The following AK5 variants were observed in gnomAD, a reference collection of about 807,000 sequenced individuals.
The protein encoded by AK5 is adenylate kinase isoenzyme 5.
AK5 carries 27 observed loss-of-function variants against 69.5 expected under a neutral mutation model. That is an observed-to-expected ratio of 0.39 (90% confidence interval 0.29 to 0.54). AK5 has a LOEUF of 0.54. AK5 is among the 20% of genes least tolerant of loss of function. AK5 has a pLI of 0.71. For missense variants in AK5, 531 were observed against 700.4 expected (o/e 0.76, Z 2.73); for synonymous variants, 260 against 244.4 (o/e 1.06, Z -0.60).
chr1:77,499,400 T>A (rs1420569833), intron 10 of AK5, among the ~76,000 whole-genome samples: 1 of 152,188 alleles, frequency 6.6e-6, no homozygotes, highest in African/African-American at 2.4e-5. Flanking sequence ...AAGATGTTCC[T>A]CCTGGTTCTG....
chr1:77,506,876 G>A (rs1657061503), intron 10 of AK5, among the ~76,000 whole-genome samples: 1 of 152,128 alleles, frequency 6.6e-6, no homozygotes, highest in Non-Finnish European at 1.5e-5. Context: ...GCACAAGCCT[G>A]TAATCCCAGC....
chr1:77,315,489 C>T (rs1454590733), intron 5 of AK5, among the ~76,000 whole-genome samples: 1 of 151,934 alleles, frequency 6.6e-6, no homozygotes, highest in Non-Finnish European at 1.5e-5. Flanking sequence ...ACATTTTAAG[C>T]ACAATGTGAT....
chr1:77,468,632 A>G (rs904496817), intron 8 of AK5, among the ~76,000 whole-genome samples: 5 of 152,272 alleles, frequency 3.3e-5, no homozygotes, highest in African/African-American at 1.2e-4. Context: ...TCTATACCAC[A>G]TTATATATGA....
chr1:77,295,655 G>A (rs17100231), intron 3 of AK5, among the ~76,000 whole-genome samples: 5 of 137,236 alleles, frequency 3.6e-5, no homozygotes, highest in Middle Eastern at 3.8e-3. Context: ...AGATTTGTAC[G>A]TGGACAGAAC....
At chr1:77,499,870 A>ATTTTTTT (rs1178365313) in intron 10 of AK5, among the ~76,000 whole-genome samples, 3 of 50,488 alleles carry the variant, frequency 5.9e-5, no homozygotes, top group African/African-American at 3.3e-4. Context: ...CCCTTTTTCC[A>ATTTTTTT]TTTTTTTTTT....
chr1:77,438,769 A>T (rs867977891), intron 8 of AK5, among the ~76,000 whole-genome samples: 2 of 152,196 alleles, frequency 1.3e-5, no homozygotes, highest in Admixed American at 1.3e-4. Context: ...ACCAGAAGAG[A>T]CATGCATCAC....
chr1:77,329,757 C>CAA, intron 5 of AK5, among the ~76,000 whole-genome samples: 2 of 152,258 alleles, frequency 1.3e-5, no homozygotes, highest in South Asian at 4.1e-4. Context: ...AGCCTGGGAC[C>CAA]AAAGCTGACC....
chr1:77,497,184 A>T (rs1449016095), intron 10 of AK5, among the ~76,000 whole-genome samples: 1 of 152,186 alleles, frequency 6.6e-6, no homozygotes, highest in Non-Finnish European at 1.5e-5. Context: ...ACAACTCCGG[A>T]CGTGCCACCC....
In AK5 at chr1:77,558,883, C is replaced by A; in HGVS notation, c.*213C>A. 1.9e-6 allele frequency: 1 copy of A among 525,016 alleles called. No homozygotes were observed. The highest frequency in any genetic ancestry group is 2.3e-5 in the South Asian group (1 of 43,076). The allele number at this position is 525,016 out of a possible 1,614,324, so 32.5% of individuals were successfully genotyped here. A position where few individuals can be genotyped will look rare whatever the true frequency, so the allele number is the denominator to read the frequency against. ...ATTTGGGACTATATCAACCTATTCT[C>A]CACACTTCAGACAACTGTCTGCACT... On this transcript the variant is annotated 3_prime_UTR_variant, in exon 14 of 14. Transcript: ENST00000354567.
chr1:77,558,478 G>GGT (rs370004356), intron 13 of AK5, 124 bp from the exon 14 acceptor site: 19 of 467,228 alleles, frequency 4.1e-5, no homozygotes, highest in East Asian at 2.4e-4. Flanking sequence ...TCTGTGTTTT[G>GGT]GGGGGGGTCT....
chr1:77,503,299 G>C (rs189083755), intron 10 of AK5, among the ~76,000 whole-genome samples: 1 of 152,306 alleles, frequency 6.6e-6, no homozygotes, highest in East Asian at 1.9e-4. Flanking sequence ...GTACATTTTT[G>C]CCTAGTTTAG....
In AK5 at chr1:77,424,135, G is replaced by A. The variant is rs80268497; in HGVS notation, c.1059+6420G>A. The stretch of plus-strand genomic sequence containing the variant: ...TATTTACTGTGGTTCCTTTTATTCA[G>A]TATATCAGGTCCATCTGTCAAGGAA... On this transcript the variant is annotated intron_variant, in intron 8 of 13. Transcript: ENST00000354567. 7.0e-4 allele frequency among the ~76,000 whole-genome samples: 106 copies of A among 152,250 alleles called. 1 individual carries two copies. In the East Asian group the frequency reaches 0.019, roughly 27 times the overall value.
chr1:77,534,508 T>C (rs1658848746), intron 12 of AK5, among the ~76,000 whole-genome samples: 1 of 152,192 alleles, frequency 6.6e-6, no homozygotes, highest in African/African-American at 2.4e-5. Context: ...CGTTAGTGAG[T>C]GTCTGCTGTA....
chr1:77,529,358 G>A (rs1440585066), intron 12 of AK5, among the ~76,000 whole-genome samples: 1 of 145,564 alleles, frequency 6.9e-6, no homozygotes. Context: ...TTTTGAGACG[G>A]AGTCTTGCTC....
At chr1:77,284,079 A>G (rs1280163590) in intron 1 of AK5, among the ~76,000 whole-genome samples, 1 of 152,212 alleles carries the variant, frequency 6.6e-6, no homozygotes, top group Non-Finnish European at 1.5e-5. Flanking sequence ...TATGAATGGG[A>G]TAAATAATGC....
Position 77,297,609 on chromosome 1 carries a change from T to C in AK5, c.466T>C (p.Tyr156His). The change falls in exon 4 of 14, where the codon TAT becomes CAT. Residue 156 changes from tyrosine (Y) to histidine (H), a missense_variant. Transcript: ENST00000354567. Reference sequence around the variant, plus strand: ...TCAGAGTTTGAAAATTGCAGAACGATATGGATTCCAATACATTTCTGTGGG... The same window carrying C: ...TCAGAGTTTGAAAATTGCAGAACGACATGGATTCCAATACATTTCTGTGGG... ...GTQSLKIAER[Y>H]GFQYISVGEL... 1 of 1,613,554 alleles carries C rather than the reference T, an allele frequency of 6.2e-7. No individual in the cohort carries two copies. The highest frequency in any genetic ancestry group is 8.5e-7 in the Non-Finnish European group (1 of 1,179,846).
intron 6 of AK5, among the ~76,000 whole-genome samples, chr1:77,376,990 C>T (rs188122046): frequency 2.4e-4 from 36 of 152,268 alleles, no homozygotes; most frequent in African/African-American, 6.7e-4. Flanking sequence ...AACACTGGTC[C>T]GTACTAAAGC....
chr1:77,367,690 T>TAC (rs1377842909), intron 6 of AK5, among the ~76,000 whole-genome samples: 1 of 75,522 alleles, frequency 1.3e-5, no homozygotes, highest in Non-Finnish European at 2.4e-5. Flanking sequence ...ATGTTATATA[T>TAC]ACGTTATATG....
At chr1:77,461,033 A>AC (rs1653801648) in intron 8 of AK5, among the ~76,000 whole-genome samples, 1 of 135,236 alleles carries the variant, frequency 7.4e-6, no homozygotes, top group African/African-American at 2.8e-5. Flanking sequence ...TGTATGTGAA[A>AC]TTTTTTTTTT....
Sources: gnomAD v4.1 joint callset for allele counts (sites outside exome capture counted in the v4.1 genomes callset) on GRCh38, gnomAD v4.1.1 for gene constraint, MANE v1.5 for transcripts, NCBI Gene and HGNC (gene_info 2026-07-23, HGNC 2026-07-21) for gene names.